SHISA6: variants seen among roughly 807,000 people sequenced by gnomAD.
SHISA6 encodes protein shisa-6.
Under a neutral mutation model 47.9 loss-of-function variants are expected in SHISA6, and 22 were observed. The observed-to-expected ratio is 0.46, with a 90% CI of 0.33 to 0.66. The LOEUF (loss-of-function observed/expected upper bound fraction) is 0.66, where lower values mean the gene tolerates loss of function less well. Among genes scored for constraint, SHISA6 ranks in the 30% least tolerant of loss-of-function variants. The pLI is 0.02. For missense variants in SHISA6, 680 were observed against 764.6 expected (o/e 0.89, Z 1.30); for synonymous variants, 388 against 337.8 (o/e 1.15, Z -1.63).
intron 3 of SHISA6, among the ~76,000 whole-genome samples, chr17:11,475,729 T>C (rs1428907551): frequency 1.3e-5 from 2 of 152,022 alleles, no homozygotes; most frequent in African/African-American, 4.8e-5. Flanking sequence ...ATAAGAGATA[T>C]TGGTCTTTAA....
At chr17:11,389,304 G>A (rs947811720) in intron 3 of SHISA6, among the ~76,000 whole-genome samples, 2 of 152,154 alleles carry the variant, frequency 1.3e-5, no homozygotes, top group Admixed American at 1.3e-4. Flanking sequence ...ATAGTACCCG[G>A]CAAAGGAGGA....
chr17:11,346,440 T>A (rs2142216863), intron 2 of SHISA6, among the ~76,000 whole-genome samples: 1 of 152,294 alleles, frequency 6.6e-6, no homozygotes, highest in East Asian at 1.9e-4. Context: ...TGTTTCTAGA[T>A]CTAAAGAACC....
chr17:11,426,890 T>C (rs530323995), intron 3 of SHISA6, among the ~76,000 whole-genome samples: 11 of 152,198 alleles, frequency 7.2e-5, no homozygotes, highest in Non-Finnish European at 1.3e-4. Context: ...TTTTCTCACC[T>C]TCTCCATCTT....
intron 1 of SHISA6, among the ~76,000 whole-genome samples, chr17:11,242,844 A>T (rs1284999944): frequency 1.3e-5 from 2 of 152,134 alleles, no homozygotes; most frequent in East Asian, 1.9e-4. Flanking sequence ...TGCACGCTGA[A>T]TGCTGCCCCG....
intron 1 of SHISA6, among the ~76,000 whole-genome samples, chr17:11,259,528 T>G (rs1908146541): frequency 6.6e-6 from 1 of 152,220 alleles, no homozygotes; most frequent in Non-Finnish European, 1.5e-5. Context: ...GGAAATCACT[T>G]GCCATTTTAA....
At chr17:11,468,059 T>G (rs1481674620) in intron 3 of SHISA6, among the ~76,000 whole-genome samples, 1 of 152,146 alleles carries the variant, frequency 6.6e-6, no homozygotes, top group Admixed American at 6.5e-5. Flanking sequence ...TATTTTTAAT[T>G]TTCCTAATTC....
intron 2 of SHISA6, among the ~76,000 whole-genome samples, chr17:11,279,804 AGAGAGAGAAAGAGG>A (rs944549063): frequency 5.2e-5 from 6 of 115,428 alleles, no homozygotes; most frequent in South Asian, 2.8e-4. Flanking sequence ...GAGCAAAAAG[AGAGAGAGAAAGAGG>A]GAGAGAGAGA....
intron 1 of SHISA6, among the ~76,000 whole-genome samples, chr17:11,250,052 AAGAG>A (rs1041294517): frequency 3.5e-4 from 54 of 152,194 alleles, no homozygotes; most frequent in Admixed American, 3.5e-3. Flanking sequence ...TGGAGGTCCT[AAGAG>A]AGAGGGAGAA....
Position 11,558,719 on chromosome 17 carries a change from C to G in SHISA6, c.*415C>G, listed in dbSNP as rs1410619754. 4.1e-6 allele frequency: 1 copy of G among 244,916 alleles called. No individual in the cohort carries two copies. The highest frequency in any genetic ancestry group is 5.1e-5 in the Admixed American group (1 of 19,754). 15.2% of individuals were successfully genotyped at this position (244,916 alleles called of 1,614,324 possible). The stretch of plus-strand genomic sequence containing the variant: ...CCTGGGTTTGAAGGGGCCAGCGGGT[C>G]CAATCAGTGGGCTGACCGGATAGGC... On this transcript the variant is annotated 3_prime_UTR_variant, in exon 6 of 6. Coordinates refer to ENST00000441885, the MANE Select transcript of SHISA6 (RefSeq NM_207386.4).
intron 2 of SHISA6, among the ~76,000 whole-genome samples, chr17:11,299,654 C>A: frequency 6.6e-6 from 1 of 152,192 alleles, no homozygotes; most frequent in Middle Eastern, 3.4e-3. Context: ...CATTGGCTTA[C>A]GGTCCTTTCC....
chr17:11,473,845 C>T (rs1915986230), intron 3 of SHISA6, among the ~76,000 whole-genome samples: 1 of 151,992 alleles, frequency 6.6e-6, no homozygotes, highest in Non-Finnish European at 1.5e-5. Flanking sequence ...CAACTATCAA[C>T]CCATCATCTA....
intron 3 of SHISA6, among the ~76,000 whole-genome samples, chr17:11,526,877 CATCATATATATAT>C (rs1341566398): frequency 4.9e-5 from 2 of 41,138 alleles, no homozygotes; most frequent in African/African-American, 2.0e-4. Context: ...AGCTATCTAT[CATCATATATATAT>C]ATATATATAT....
intron 2 of SHISA6, among the ~76,000 whole-genome samples, chr17:11,273,053 A>G (rs1253257136): frequency 6.6e-6 from 1 of 152,204 alleles, no homozygotes; most frequent in East Asian, 1.9e-4. Flanking sequence ...ATTAGCAACT[A>G]ACAGTACTTT....
intron 3 of SHISA6, among the ~76,000 whole-genome samples, chr17:11,530,409 C>A (rs1046399879): frequency 6.6e-6 from 1 of 152,236 alleles, no homozygotes; most frequent in East Asian, 1.9e-4. Context: ...TCAGTTTGTT[C>A]GGCATTGTTG....
intron 3 of SHISA6, among the ~76,000 whole-genome samples, chr17:11,446,901 G>A (rs1310825345): frequency 1.3e-5 from 2 of 152,116 alleles, no homozygotes; most frequent in Non-Finnish European, 2.9e-5. Flanking sequence ...GCAAGATAGG[G>A]CTTATGGAAT....
intron 3 of SHISA6, among the ~76,000 whole-genome samples, chr17:11,453,897 G>A (rs1393598813): frequency 2.0e-5 from 3 of 152,176 alleles, no homozygotes; most frequent in African/African-American, 7.2e-5. Flanking sequence ...AGGGATTAAG[G>A]GTTAGGACGT....
At chr17:11,263,085 G>T (rs920309489) in intron 1 of SHISA6, among the ~76,000 whole-genome samples, 1 of 152,174 alleles carries the variant, frequency 6.6e-6, no homozygotes, top group Admixed American at 6.5e-5. Flanking sequence ...TATTTGGGGA[G>T]CCAGTATTTT....
At chr17:11,361,557 TAG>T (rs1451702268) in intron 2 of SHISA6, among the ~76,000 whole-genome samples, 1 of 152,108 alleles carries the variant, frequency 6.6e-6, no homozygotes, top group Non-Finnish European at 1.5e-5. Flanking sequence ...GTGGGTAACT[TAG>T]GGGTAGGCAT....
chr17:11,397,674 C>CT (rs371710999), intron 3 of SHISA6, among the ~76,000 whole-genome samples: 9,059 of 144,124 alleles, frequency 0.063, 777 homozygotes, highest in African/African-American at 0.19. Context: ...TTCTATGTTA[C>CT]TTTTTTTTTT....
Sources: gnomAD v4.1 joint callset for allele counts (sites outside exome capture counted in the v4.1 genomes callset) on GRCh38, gnomAD v4.1.1 for gene constraint, MANE v1.5 for transcripts, NCBI Gene and HGNC (gene_info 2026-07-23, HGNC 2026-07-21) for gene names.